Variants in FOCAD observed in about 807,000 individuals in gnomAD.
FOCAD encodes focadhesin.
Under a neutral mutation model 225.6 loss-of-function variants are expected in FOCAD, and 198 were observed. The ratio of observed to expected loss-of-function variants is 0.88; its 90% CI spans 0.78 to 0.99. FOCAD has a LOEUF of 0.99. FOCAD is among the 50% of genes least tolerant of loss of function. The probability of loss-of-function intolerance (pLI) is 0.00; values close to 1 mark genes in which losing one functional copy is unlikely to be tolerated. For missense variants in FOCAD, 2,713 were observed against 2,123.6 expected, an observed-to-expected ratio of 1.28 and a Z score of -5.46; for synonymous variants, 897 against 755.0, an observed-to-expected ratio of 1.19 and a Z score of -3.08.
chr9:20,976,288 G>C, intron 35 of FOCAD, 132 bp from the exon 36 acceptor site: 1 of 786,732 alleles, frequency 1.3e-6, no homozygotes, highest in Non-Finnish European at 2.0e-6. Context: ...GCACAGAATT[G>C]AAGCGTTGAT....
At chr9:20,797,961 C>A (rs1047805895) in intron 11 of FOCAD, among the ~76,000 whole-genome samples, 4 of 152,140 alleles carry the variant, frequency 2.6e-5, no homozygotes, top group Non-Finnish European at 5.9e-5. Context: ...TTTGCCCATT[C>A]AGTATGATAT....
chr9:20,928,376 G>T (rs946088595), intron 26 of FOCAD, among the ~76,000 whole-genome samples: 11 of 152,132 alleles, frequency 7.2e-5, no homozygotes, highest in Non-Finnish European at 1.5e-4. Flanking sequence ...TAGTACGTTT[G>T]ATTTTTATCC....
chr9:20,982,285 A>G (rs1337942163), intron 38 of FOCAD, 72 bp from the exon 39 acceptor site: 49 of 1,101,422 alleles, frequency 4.4e-5, no homozygotes, highest in Admixed American at 2.1e-5. Context: ...AGAAAATCTA[A>G]TAATTTGTCA....
At chr9:20,963,352 G>A (rs1272125930) in intron 35 of FOCAD, among the ~76,000 whole-genome samples, 1 of 152,174 alleles carries the variant, frequency 6.6e-6, no homozygotes, top group Non-Finnish European at 1.5e-5. Flanking sequence ...TCAAAGGAGA[G>A]CTCATTATCT....
chr9:20,774,129 C>G (rs1015906664), intron 8 of FOCAD, among the ~76,000 whole-genome samples: 1 of 152,184 alleles, frequency 6.6e-6, no homozygotes, highest in Non-Finnish European at 1.5e-5. Context: ...ACAGTTTCAT[C>G]CCGAAACCAT....
intron 5 of FOCAD, among the ~76,000 whole-genome samples, chr9:20,753,480 T>G (rs1828756410): frequency 6.6e-6 from 1 of 152,098 alleles, no homozygotes; most frequent in Non-Finnish European, 1.5e-5. Context: ...TTGCGTATAT[T>G]GAACCAGCCT....
chr9:20,753,583 T>G (rs2131763037), intron 5 of FOCAD, among the ~76,000 whole-genome samples: 1 of 152,114 alleles, frequency 6.6e-6, no homozygotes, highest in East Asian at 1.9e-4. Context: ...TGAGGATTTT[T>G]GCATCAATGT....
At chr9:20,778,868 T>A (rs2131080841) in intron 9 of FOCAD, 100 bp downstream of exon 9, 2 of 558,276 alleles carry the variant, frequency 3.6e-6, no homozygotes, top group East Asian at 6.1e-5. Flanking sequence ...GTATTTTGAG[T>A]TTCCATCTGT....
rs188168966 is a variant in FOCAD, at chr9:20,840,776, A to T, written c.1920+17661A>T. ...TCTATGTTGAATAACACTAGTGAAA[A>T]TGGGCATCCTTAGTCTTGTTCTAGA... On this transcript the variant is annotated intron_variant, in intron 15 of 43. Transcript: ENST00000338382. Among the ~76,000 whole-genome samples, 6 of 152,032 alleles carry T rather than the reference A, an allele frequency of 3.9e-5. No individual in the cohort carries two copies. The East Asian group carries it at 9.7e-4, about 25-fold the overall frequency.
intron 29 of FOCAD, among the ~76,000 whole-genome samples, chr9:20,945,016 C>G (rs540726059): frequency 1.9e-3 from 297 of 152,324 alleles, no homozygotes; most frequent in Non-Finnish European, 3.6e-3. Flanking sequence ...AAACCTAACT[C>G]AGCATCACTA....
At chr9:20,889,345 A>G (rs1831408081) in intron 21 of FOCAD, among the ~76,000 whole-genome samples, 1 of 152,208 alleles carries the variant, frequency 6.6e-6, no homozygotes. Flanking sequence ...ACTTCTCTGC[A>G]TGGATATACC....
chr9:20,732,536 T>G (rs1826800071), intron 4 of FOCAD, among the ~76,000 whole-genome samples: 1 of 152,192 alleles, frequency 6.6e-6, no homozygotes, highest in East Asian at 1.9e-4. Flanking sequence ...GTGCAGCGCA[T>G]GATTGACAAT....
intron 15 of FOCAD, among the ~76,000 whole-genome samples, chr9:20,841,351 G>T (rs1587368007): frequency 6.6e-6 from 1 of 150,722 alleles, no homozygotes; most frequent in Non-Finnish European, 1.5e-5. Context: ...TCTTTTGATT[G>T]CAGAGTTTAG....
intron 14 of FOCAD, among the ~76,000 whole-genome samples, chr9:20,822,689 A>G (rs983080699): frequency 1.3e-5 from 2 of 152,074 alleles, no homozygotes; most frequent in African/African-American, 2.4e-5. Context: ...TCTTTTTACC[A>G]TTATTACAGC....
intron 24 of FOCAD, among the ~76,000 whole-genome samples, chr9:20,921,532 C>T (rs1834432815): frequency 6.6e-6 from 1 of 152,096 alleles, no homozygotes; most frequent in African/African-American, 2.4e-5. Flanking sequence ...ACCTTCTATC[C>T]ATAAGTCATT....
intron 38 of FOCAD, 108 bp from the exon 39 acceptor site, chr9:20,982,249 C>A: frequency 1.5e-6 from 1 of 669,444 alleles, no homozygotes; most frequent in Non-Finnish European, 2.4e-6. Flanking sequence ...AAATTAAAAT[C>A]TCATCAGCTG....
intron 10 of FOCAD, among the ~76,000 whole-genome samples, chr9:20,788,129 T>G (rs1230651552): frequency 6.6e-6 from 1 of 152,230 alleles, no homozygotes; most frequent in Non-Finnish European, 1.5e-5. Flanking sequence ...GAATATTATT[T>G]GGCAATAAAA....
At chr9:20,656,096 A>T (rs1275955308), upstream of FOCAD, among the ~76,000 whole-genome samples, 2 of 150,006 alleles carry the variant, frequency 1.3e-5, no homozygotes, top group Non-Finnish European at 3.0e-5. Context: ...TTTGAGTGAG[A>T]TTCTTAATCC....
chr9:20,688,676 A>G (rs568028082), intron 1 of FOCAD, among the ~76,000 whole-genome samples: 3 of 152,232 alleles, frequency 2.0e-5, no homozygotes, highest in Non-Finnish European at 4.4e-5. Context: ...ACTACCCTGT[A>G]GGAAAGATGA....
Sources: gnomAD v4.1 joint callset for allele counts (sites outside exome capture counted in the v4.1 genomes callset) on GRCh38, gnomAD v4.1.1 for gene constraint, MANE v1.5 for transcripts, NCBI Gene and HGNC (gene_info 2026-07-23, HGNC 2026-07-21) for gene names.